DEK: variants seen among roughly 807,000 people sequenced by gnomAD.
DEK encodes protein DEK.
DEK carries 28 observed loss-of-function variants against 46.8 expected under a neutral mutation model. The ratio of observed to expected loss-of-function variants is 0.60; its 90% CI spans 0.44 to 0.82. The LOEUF (loss-of-function observed/expected upper bound fraction) is 0.82. Among genes scored for constraint, DEK ranks in the 40% least tolerant of loss-of-function variants. The pLI, the probability that DEK is intolerant of heterozygous loss-of-function variation, is 0.00. For synonymous variants in DEK, 160 were observed against 144.5 expected (o/e 1.11, Z -0.77); for missense variants, 416 against 430.6 (o/e 0.97, Z 0.30).
At chr6:18,257,583 G>A (rs1791654125) in intron 4 of DEK, among the ~76,000 whole-genome samples, 1 of 152,086 alleles carries the variant, frequency 6.6e-6, no homozygotes, top group Non-Finnish European at 1.5e-5. Flanking sequence ...CAGTATGGTG[G>A]CATGCACCTG....
intron 6 of DEK, among the ~76,000 whole-genome samples, chr6:18,253,505 A>G (rs1265253697): frequency 6.6e-6 from 1 of 152,210 alleles, no homozygotes; most frequent in Non-Finnish European, 1.5e-5. Flanking sequence ...CAGGGAACCA[A>G]TATTTACAAG....
chr6:18,256,756 C>G (rs1192482933), intron 4 of DEK, among the ~76,000 whole-genome samples: 2 of 152,182 alleles, frequency 1.3e-5, no homozygotes, highest in African/African-American at 4.8e-5. Context: ...AGTTACCTGA[C>G]AGTACCAGGG....
chr6:18,264,451 C>T lies in DEK; in HGVS notation c.-76G>A. On this transcript the variant is annotated 5_prime_UTR_variant, in exon 1 of 11. Transcript: ENST00000652689. The stretch of plus-strand genomic sequence containing the variant: ...AGGAGGTTCTGGGAGGCGGCGGCGG[C>T]CGACGCCGAGGAGAAGGCGCGCGGG... 1 of 279,566 alleles carries T rather than the reference C, an allele frequency of 3.6e-6. No individual in the cohort carries two copies. The highest frequency in any genetic ancestry group is 4.4e-5 in the Admixed American group (1 of 22,770). 17.3% of individuals were successfully genotyped at this position (279,566 alleles called of 1,614,324 possible).
chr6:18,248,378 A>T (rs2151088292), intron 7 of DEK, among the ~76,000 whole-genome samples: 1 of 152,352 alleles, frequency 6.6e-6, no homozygotes, highest in South Asian at 2.1e-4. Context: ...GGCACACAGT[A>T]GACACCAAAT....
At chr6:18,229,675 AG>A (rs997727964) in intron 9 of DEK, among the ~76,000 whole-genome samples, 2 of 152,210 alleles carry the variant, frequency 1.3e-5, no homozygotes, top group African/African-American at 4.8e-5. Context: ...AGAAGTCTGG[AG>A]AAAAAAGAGT....
At chr6:18,253,317 A>T (rs1791472514) in intron 6 of DEK, among the ~76,000 whole-genome samples, 1 of 152,238 alleles carries the variant, frequency 6.6e-6, no homozygotes, top group Non-Finnish European at 1.5e-5. Context: ...ATTTATCGCC[A>T]ATGATAAACG....
intron 2 of DEK, among the ~76,000 whole-genome samples, chr6:18,259,060 G>C (rs1173281104): frequency 6.6e-6 from 1 of 151,898 alleles, no homozygotes; most frequent in African/African-American, 2.4e-5. Context: ...GTGAGGCGCG[G>C]TGGCTCATGC....
At chr6:18,246,968 T>C (rs1229924277) in intron 7 of DEK, among the ~76,000 whole-genome samples, 1 of 152,158 alleles carries the variant, frequency 6.6e-6, no homozygotes, top group Non-Finnish European at 1.5e-5. Flanking sequence ...CATAAAGAAA[T>C]CTACAGGCAA....
intron 7 of DEK, among the ~76,000 whole-genome samples, chr6:18,241,172 T>C (rs1790877473): frequency 6.6e-6 from 1 of 152,130 alleles, no homozygotes; most frequent in Non-Finnish European, 1.5e-5. Flanking sequence ...TGAAGGTTAT[T>C]AGGTATAGGA....
intron 9 of DEK, among the ~76,000 whole-genome samples, chr6:18,234,720 C>G (rs552125812): frequency 2.0e-5 from 3 of 152,076 alleles, no homozygotes; most frequent in African/African-American, 7.2e-5. Context: ...ACAGGACCAC[C>G]CTTCACCTCT....
intron 9 of DEK, among the ~76,000 whole-genome samples, chr6:18,235,843 GTGAA>G (rs1582262675): frequency 6.6e-6 from 1 of 152,120 alleles, no homozygotes; most frequent in Non-Finnish European, 1.5e-5. Context: ...TCAATGAATG[GTGAA>G]TGAATGAACA....
chr6:18,236,984 T>TG (rs1554158906), intron 8 of DEK: 6 of 190,546 alleles, frequency 3.1e-5, no homozygotes, highest in East Asian at 1.5e-4. Context: ...CCCAGTGCTC[T>TG]GGGGGGCCAA....
chr6:18,261,608 AACC>A (rs1321896492), intron 2 of DEK, among the ~76,000 whole-genome samples: 1 of 151,982 alleles, frequency 6.6e-6, no homozygotes, highest in Non-Finnish European at 1.5e-5. Context: ...GAAAAACAAA[AACC>A]AAACAAAAAC....
chr6:18,241,321 C>T (rs1402513935), intron 7 of DEK, among the ~76,000 whole-genome samples: 1 of 152,174 alleles, frequency 6.6e-6, no homozygotes, highest in Non-Finnish European at 1.5e-5. Context: ...GGAGAGCTGA[C>T]AAGGCAAGTT....
At chr6:18,236,872 C>A (rs1582264051) in intron 8 of DEK, among the ~76,000 whole-genome samples, 2 of 152,128 alleles carry the variant, frequency 1.3e-5, no homozygotes, top group Non-Finnish European at 2.9e-5. Flanking sequence ...TTTCAGAGCA[C>A]CAACATGACA....
intron 9 of DEK, among the ~76,000 whole-genome samples, chr6:18,234,919 TCG>T (rs1790582026): frequency 1.3e-5 from 2 of 152,190 alleles, no homozygotes; most frequent in African/African-American, 4.8e-5. Flanking sequence ...CCCTATGTCA[TCG>T]TCTCCTAATT....
At chr6:18,256,765 G>C (rs530865136) in intron 4 of DEK, among the ~76,000 whole-genome samples, 1 of 152,198 alleles carries the variant, frequency 6.6e-6, no homozygotes, top group East Asian at 1.9e-4. Flanking sequence ...ACAGTACCAG[G>C]GGATGTGGAA....
intron 7 of DEK, among the ~76,000 whole-genome samples, chr6:18,247,706 T>C (rs1477952523): frequency 6.6e-6 from 1 of 151,950 alleles, no homozygotes; most frequent in Admixed American, 6.6e-5. Context: ...GGAGTTTCGC[T>C]CGTTGCTCAG....
chr6:18,237,444 T>A lies in DEK; in HGVS notation c.835A>T (p.Ser279Cys). The A allele has an allele frequency of 6.2e-7, 1 of 1,611,746 alleles. No individual in the cohort carries two copies. The highest frequency in any genetic ancestry group is 1.1e-5 in the South Asian group (1 of 90,630). Residue 279 changes from serine to cysteine, a missense_variant, in exon 8 of 11, where the codon AGT becomes TGT. Coordinates refer to ENST00000652689, the MANE Select transcript of DEK (RefSeq NM_003472.4). Reference sequence around the variant, plus strand: ...CTATCTGCTTTCTTAACATTGGCACTTTTCACAGATTTTTTACTTTTAGAA... The same window carrying A: ...CTATCTGCTTTCTTAACATTGGCACATTTCACAGATTTTTTACTTTTAGAA... ...ATSKSKKSVK[S>C]ANVKKADSST...
Sources: gnomAD v4.1 joint callset for allele counts (sites outside exome capture counted in the v4.1 genomes callset) on GRCh38, gnomAD v4.1.1 for gene constraint, MANE v1.5 for transcripts, NCBI Gene and HGNC (gene_info 2026-07-23, HGNC 2026-07-21) for gene names.